Variants in SFSWAP observed in about 807,000 individuals in gnomAD.
SFSWAP encodes the protein splicing factor SWAP, also known as splicing factor, suppressor of white-apricot homolog.
SFSWAP carries 17 observed loss-of-function variants against 100.7 expected under a neutral mutation model. The observed-to-expected ratio is 0.17, with a 90% CI of 0.12 to 0.25. SFSWAP has a LOEUF of 0.25. Ranked by LOEUF, SFSWAP falls within the 10% of genes least tolerant of loss-of-function variation. SFSWAP has a pLI of 1.00. For missense variants in SFSWAP, 1,005 were observed against 1,262.6 expected (o/e 0.80, Z 3.09); for synonymous variants, 504 against 510.1 (o/e 0.99, Z 0.16).
chr12:131,771,257 G>A (rs530760564), intron 13 of SFSWAP, among the ~76,000 whole-genome samples: 3 of 152,222 alleles, frequency 2.0e-5, no homozygotes, highest in Middle Eastern at 3.4e-3. Context: ...ACAGGCACTC[G>A]GTAGGTATTT....
chr12:131,726,714 C>T (rs1212915299), intron 5 of SFSWAP, among the ~76,000 whole-genome samples: 2 of 152,188 alleles, frequency 1.3e-5, no homozygotes, highest in Non-Finnish European at 2.9e-5. Context: ...AGCCCCAGAC[C>T]AGCTGGTGCT....
intron 17 of SFSWAP, 78 bp downstream of exon 17, chr12:131,799,187 CCCTGTCCCT>C: frequency 8.3e-7 from 1 of 1,206,214 alleles, no homozygotes; most frequent in Non-Finnish European, 1.2e-6. Flanking sequence ...AATTTTCATT[CCCTGTCCCT>C]CCTGTCCCTG....
In SFSWAP at chr12:131,753,307, G is replaced by A. The variant is rs563492173; in HGVS notation, c.1266G>A (p.Pro422=). 83 of 1,611,384 alleles carry A rather than the reference G, an allele frequency of 5.2e-5. 1 individual carries two copies. The highest frequency in any genetic ancestry group is 3.3e-4 in the Admixed American group (20 of 59,980). ...CACCTCCTGGGACCACACCACTACC[G>A]CCCCCAACCACAGCAGAGACTAGCA... ...APPPPGTTPL[P]PPTTAETSSG... The change falls in exon 8 of 18, where the codon CCG becomes CCA. Residue 422 remains proline (P), a synonymous_variant. Transcript: ENST00000261674.
chr12:131,755,455 G>T lies in SFSWAP; in HGVS notation c.1524G>T (p.Gln508His). Reference protein sequence around the residue: ...YYEFKKQFFLQKEGGDSMQAV... With the variant: ...YYEFKKQFFLHKEGGDSMQAV... The stretch of plus-strand genomic sequence containing the variant: ...AGTTTAAGAAGCAGTTCTTCCTCCA[G>T]AAAGAAGGGGGCGATAGCATGCAGG... Residue 508 changes from glutamine (Q) to histidine (H), a missense_variant, in exon 10 of 18, where the codon CAG becomes CAT. Physicochemically the swap from Gln to His is conservative, Grantham distance 24. Transcript: ENST00000261674. The T allele has an allele frequency of 1.2e-6, 2 of 1,613,728 alleles. No homozygotes were observed. Among genetic ancestry groups the T allele is most frequent in the South Asian group, 1.1e-5 (1 of 91,060 alleles).
Position 131,778,401 on chromosome 12 carries a change from G to C in SFSWAP, c.2408+71G>C. On this transcript the variant is annotated intron_variant, in intron 14 of 17. Transcript: ENST00000261674. This position sits in a 1 kb window ranked among gnomAD's most constrained non-coding sequence, Gnocchi z 4.2. The stretch of plus-strand genomic sequence containing the variant: ...TGTCCTTCACAGGACACCCAGTAGA[G>C]CTAGGTAGAACGTTTAAAATCAGTG... 6.4e-7 allele frequency: 1 copy of C among 1,558,234 alleles called. No homozygotes were observed. Among genetic ancestry groups the C allele is most frequent in the South Asian group, 1.2e-5 (1 of 82,384 alleles).
chr12:131,785,524 C>T, intron 14 of SFSWAP: 1 of 284,804 alleles, frequency 3.5e-6, no homozygotes, highest in Non-Finnish European at 6.7e-6. Context: ...TGTTTTTTTT[C>T]CAGATTTGTG....
At chr12:131,740,866 G>A (rs1279091742) in intron 7 of SFSWAP, among the ~76,000 whole-genome samples, 2 of 151,984 alleles carry the variant, frequency 1.3e-5, no homozygotes, top group Non-Finnish European at 2.9e-5. Context: ...GGGGTGTGGA[G>A]GCAGCTGCAG....
rs1279158826 is a variant in SFSWAP at position 131,711,695 on chromosome 12, GCCCCTCTCGACCCCTCAC to G, written c.218+251_218+268del. ...CGGAGGGATCGTCTCTGGTCCCGCAGCCCCTCTCGACCCCTCACCCTGTCGCTGGGCTGCAGTTGGCGA... is the reference window on the plus strand; with the variant it reads ...CGGAGGGATCGTCTCTGGTCCCGCAGCCTGTCGCTGGGCTGCAGTTGGCGA... On this transcript the variant is annotated intron_variant, in intron 1 of 17. Coordinates refer to ENST00000261674, the MANE Select transcript of SFSWAP (RefSeq NM_004592.4). This position sits in a 1 kb window ranked among gnomAD's most constrained non-coding sequence, Gnocchi z 4.9. 3 of 504,196 alleles carry G rather than the reference GCCCCTCTCGACCCCTCAC, an allele frequency of 6.0e-6. No homozygotes were observed. In the Admixed American group the frequency reaches 1.1e-4, roughly 18 times the overall value. The allele number at this position is 504,196 out of a possible 1,614,324, so 31.2% of individuals were successfully genotyped here.
chr12:131,726,749 T>C (rs1879016419), intron 5 of SFSWAP, among the ~76,000 whole-genome samples, 191 bp from the exon 6 acceptor site: 1 of 152,234 alleles, frequency 6.6e-6, no homozygotes, highest in African/African-American at 2.4e-5. Flanking sequence ...AGTCACCAAA[T>C]GGGCAAAGGT....
intron 4 of SFSWAP, among the ~76,000 whole-genome samples, chr12:131,722,754 C>G (rs1878598193): frequency 1.3e-5 from 2 of 151,962 alleles, no homozygotes; most frequent in Admixed American, 1.3e-4. Context: ...TCAAGACCAG[C>G]CTGGGCAACA....
rs80001033 is a variant in SFSWAP, at chr12:131,797,502, T to G, written c.2717+142T>G. ...AGCCACAAAGCCAAACCGCACCCCC[T>G]CTAGCAAGGAAGTCGCCCTAGATGT... On this transcript the variant is annotated intron_variant, in intron 16 of 17. Transcript: ENST00000261674. 161 of 721,150 alleles carry G rather than the reference T, an allele frequency of 2.2e-4. No homozygotes were observed. In the East Asian group the frequency reaches 4.0e-3, roughly 18 times the overall value. The allele number at this position is 721,150 out of a possible 1,614,324, so 44.7% of individuals were successfully genotyped here.
rs1352424382 is a variant in SFSWAP at position 131,797,184 on chromosome 12, C to G, written c.2541C>G (p.Pro847=). Residue 847 remains proline (P), a synonymous_variant, in exon 16 of 18, where the codon CCC becomes CCG. Transcript: ENST00000261674. ...ASRKRTRSRS[P]HEKKKKRRSR... is the part of the protein sequence containing the mutation. ...AGAAACTCTTGCCTTTCAGAAGTCC[C>G]CACGAGAAGAAGAAGAAGAGGCGGT... is the stretch of plus-strand genomic sequence containing the variant. 1.2e-6 allele frequency: 2 copies of G among 1,608,348 alleles called. No individual in the cohort carries two copies. Among genetic ancestry groups the G allele is most frequent in the African/African-American group, 2.7e-5 (2 of 74,868 alleles).
intron 10 of SFSWAP, among the ~76,000 whole-genome samples, chr12:131,755,710 C>T (rs919063111): frequency 1.3e-5 from 2 of 152,190 alleles, no homozygotes; most frequent in African/African-American, 2.4e-5. Flanking sequence ...TTGTCCAGCA[C>T]GTTCTAAACA....
chr12:131,785,290 A>AG lies in SFSWAP; in HGVS notation c.2409-1173_2409-1172insG, dbSNP rs1287916917. The stretch of plus-strand genomic sequence containing the variant: ...AAATCTTAGGAAAGGTCTGGGAAAA[A>AG]ATCAAAACGATTCTGTCCGTTAAAG... On this transcript the variant is annotated intron_variant, in intron 14 of 17. Coordinates refer to ENST00000261674, the MANE Select transcript of SFSWAP (RefSeq NM_004592.4). The AG allele has an allele frequency of 3.4e-6, 5 of 1,471,372 alleles. No individual in the cohort carries two copies. In the African/African-American group the frequency reaches 7.1e-5, roughly 21 times the overall value. 91.1% of individuals were successfully genotyped at this position (1,471,372 alleles called of 1,614,324 possible).
chr12:131,751,454 G>T (rs1005439023), intron 7 of SFSWAP, among the ~76,000 whole-genome samples: 1 of 152,196 alleles, frequency 6.6e-6, no homozygotes, highest in African/African-American at 2.4e-5. Flanking sequence ...CGGTAGTGGG[G>T]TCAGTTCCGC....
chr12:131,737,083 C>G (rs139713275), intron 7 of SFSWAP, among the ~76,000 whole-genome samples: 20 of 152,270 alleles, frequency 1.3e-4, no homozygotes, highest in African/African-American at 4.3e-4. Context: ...CGACGCACAT[C>G]CTCGGTGGAG....
At chr12:131,727,145 G>T in intron 6 of SFSWAP, 93 bp downstream of exon 6, 1 of 733,182 alleles carries the variant, frequency 1.4e-6, no homozygotes, top group South Asian at 1.6e-5. Flanking sequence ...ATTCTTGTGT[G>T]TTACAGTTGT....
At chr12:131,742,916 GAAGGC>G (rs1237132589) in intron 7 of SFSWAP, among the ~76,000 whole-genome samples, 1 of 152,172 alleles carries the variant, frequency 6.6e-6, no homozygotes, top group Non-Finnish European at 1.5e-5. Context: ...AATCATGACA[GAAGGC>G]AAGGAGGAGC....
chr12:131,767,680 A>G (rs939095839), intron 13 of SFSWAP, among the ~76,000 whole-genome samples: 2 of 152,268 alleles, frequency 1.3e-5, no homozygotes, highest in African/African-American at 4.8e-5. Flanking sequence ...ATCATTTTAT[A>G]AAATCTTTCT....
Sources: allele counts gnomAD v4.1 joint callset (sites outside exome capture counted in the v4.1 genomes callset), GRCh38; gene constraint gnomAD v4.1.1; non-coding constraint Gnocchi (gnomAD v3.1); transcripts MANE v1.5; gene names NCBI Gene and HGNC (gene_info 2026-07-23, HGNC 2026-07-21).